Variants in ARK2C observed in about 807,000 individuals in gnomAD.
ARK2C encodes the protein arkadia (RNF111) C-terminal like ring finger ubiquitin ligase 2C, also known as E3 ubiquitin-protein ligase ARK2C.
the ARK2C span, among the ~76,000 whole-genome samples, chr18:46,344,035 G>T: frequency 7.2e-5 from 11 of 152,216 alleles, no homozygotes; most frequent in African/African-American, 2.7e-4. Context: ...GTGTGCCGCT[G>T]TGTGCAGCTG....
chr18:46,384,513 T>C, the ARK2C span, among the ~76,000 whole-genome samples: 1 of 152,198 alleles, frequency 6.6e-6, no homozygotes, highest in Admixed American at 6.5e-5. Context: ...CTTGAATATT[T>C]CTCATGGATA....
chr18:46,349,511 A>G, the ARK2C span, among the ~76,000 whole-genome samples: 8 of 152,208 alleles, frequency 5.3e-5, no homozygotes, highest in Admixed American at 2.0e-4. Context: ...GGACACAAAC[A>G]TTCAAGTCAT....
At chr18:46,334,707 TGTGTGTGTGAGAGAGA>T in the ARK2C span, 123 of 277,046 alleles carry the variant, frequency 4.4e-4, no homozygotes, top group African/African-American at 3.4e-3. This position sits in a 1 kb window ranked among gnomAD's most constrained non-coding sequence, Gnocchi z 4.4. Context: ...TGTGTGTGTG[TGTGTGTGTGAGAGAGA>T]GAGAGAGCGC....
the ARK2C span, chr18:46,385,757 C>G: frequency 1.2e-4 from 19 of 152,116 alleles, no homozygotes; most frequent in African/African-American, 4.3e-4. Context: ...AGGACCCCCT[C>G]GAGGCAGTTA....
At chr18:46,368,473 T>G in the ARK2C span, among the ~76,000 whole-genome samples, 1 of 152,192 alleles carries the variant, frequency 6.6e-6, no homozygotes, top group Non-Finnish European at 1.5e-5. Flanking sequence ...AGTACCCCAC[T>G]TCCCTGTGGG....
chr18:46,403,395 C>T, the ARK2C span, among the ~76,000 whole-genome samples: 4 of 152,178 alleles, frequency 2.6e-5, no homozygotes, highest in Admixed American at 2.0e-4. Flanking sequence ...CCCTGCCCCC[C>T]GTCTCCCTCT....
the ARK2C span, among the ~76,000 whole-genome samples, chr18:46,398,096 G>A: frequency 4.0e-5 from 6 of 148,286 alleles, no homozygotes; most frequent in Admixed American, 6.7e-5. Context: ...GGGTGTGTGC[G>A]CATGTGGTGT....
chr18:46,418,095 G>A, the ARK2C span, among the ~76,000 whole-genome samples: 1 of 151,882 alleles, frequency 6.6e-6, no homozygotes, highest in East Asian at 1.9e-4. Context: ...GGTTGCTTAT[G>A]CCTATAATCT....
At chr18:46,409,405 C>T in the ARK2C span, among the ~76,000 whole-genome samples, 1 of 152,116 alleles carries the variant, frequency 6.6e-6, no homozygotes, top group African/African-American at 2.4e-5. Flanking sequence ...TGCAGGTAAA[C>T]GGTGGTGGTG....
At chr18:46,347,130 C>T in the ARK2C span, among the ~76,000 whole-genome samples, 1 of 152,172 alleles carries the variant, frequency 6.6e-6, no homozygotes, top group Non-Finnish European at 1.5e-5. Flanking sequence ...TGGAGCTGTT[C>T]CCCGAGGAGG....
chr18:46,410,823 G>T, the ARK2C span, among the ~76,000 whole-genome samples: 1 of 152,194 alleles, frequency 6.6e-6, no homozygotes, highest in South Asian at 2.1e-4. Context: ...CAATTGTCCA[G>T]GCTCATGAAA....
chr18:46,394,267 G>A, the ARK2C span, among the ~76,000 whole-genome samples: 2 of 152,244 alleles, frequency 1.3e-5, no homozygotes, highest in African/African-American at 4.8e-5. Context: ...TGGGGCAAAA[G>A]CGAGAGCCCT....
the ARK2C span, among the ~76,000 whole-genome samples, chr18:46,401,016 A>G: frequency 3.9e-5 from 6 of 152,098 alleles, no homozygotes; most frequent in African/African-American, 1.4e-4. Flanking sequence ...CTTGAACTGG[A>G]AACGCTGGGG....
chr18:46,382,667 G>A, the ARK2C span, among the ~76,000 whole-genome samples: 1 of 152,200 alleles, frequency 6.6e-6, no homozygotes, highest in Non-Finnish European at 1.5e-5. Context: ...CTCCTCTGAT[G>A]TCCACCACAG....
At chr18:46,425,025 C>A in the ARK2C span, among the ~76,000 whole-genome samples, 2 of 152,230 alleles carry the variant, frequency 1.3e-5, no homozygotes, top group Admixed American at 1.3e-4. Flanking sequence ...TTTCTCCCTG[C>A]CCCTCCCTGG....
the ARK2C span, chr18:46,447,472 A>G: frequency 8.2e-6 from 12 of 1,457,676 alleles, no homozygotes; most frequent in African/African-American, 1.1e-4. Context: ...TGTCACTCCA[A>G]TTCTACTCCA....
the ARK2C span, among the ~76,000 whole-genome samples, chr18:46,391,889 A>G: frequency 6.6e-6 from 1 of 151,790 alleles, no homozygotes; most frequent in African/African-American, 2.4e-5. Context: ...CACAGCATGC[A>G]CACATACTAC....
chr18:46,390,746 C>T, the ARK2C span, among the ~76,000 whole-genome samples: 1 of 152,158 alleles, frequency 6.6e-6, no homozygotes, highest in Non-Finnish European at 1.5e-5. Context: ...GAATCCTATA[C>T]TGGGCTGGGC....
At chr18:46,427,774 G>A in the ARK2C span, among the ~76,000 whole-genome samples, 1 of 152,234 alleles carries the variant, frequency 6.6e-6, no homozygotes, top group South Asian at 2.1e-4. Flanking sequence ...AGCCCAGCCT[G>A]GTGGGGGCGG....
Sources: allele counts gnomAD v4.1 joint callset (sites outside exome capture counted in the v4.1 genomes callset), GRCh38; gene constraint gnomAD v4.1.1; non-coding constraint Gnocchi (gnomAD v3.1); transcripts MANE v1.5; gene names NCBI Gene and HGNC (gene_info 2026-07-23, HGNC 2026-07-21).